Variants in ERC1 observed in about 807,000 individuals in gnomAD.
The protein encoded by ERC1 is RAB6 interacting protein 2.
ERC1 carries 56 observed loss-of-function variants against 132.0 expected under a neutral mutation model. That is an observed-to-expected ratio of 0.42 (90% CI 0.34 to 0.53). The LOEUF is 0.53. ERC1 is among the 20% of genes least tolerant of loss of function. The pLI is 0.03. For missense variants in ERC1, 1,202 were observed against 1,349.9 expected, an observed-to-expected ratio of 0.89 and a Z score of 1.72; for synonymous variants, 478 against 476.1, an observed-to-expected ratio of 1.00 and a Z score of -0.05.
At chr12:1,060,667 A>C (rs189053970) in intron 2 of ERC1, among the ~76,000 whole-genome samples, 6 of 152,232 alleles carry the variant, frequency 3.9e-5, no homozygotes, top group Admixed American at 6.5e-5. Context: ...ATAGCATGGG[A>C]AAGACTGGCC....
At chr12:1,376,886 C>T (rs1349532226) in intron 16 of ERC1, among the ~76,000 whole-genome samples, 1 of 152,220 alleles carries the variant, frequency 6.6e-6, no homozygotes, top group Non-Finnish European at 1.5e-5. Context: ...TTTCCCTTTT[C>T]ACTGTTCCAG....
At position 1,495,224 on chromosome 12, in the gene ERC1, A is replaced by G. The variant is rs893650804; in HGVS notation, c.*4994A>G. The G allele has an allele frequency of 2.6e-4, 60 of 230,452 alleles. No homozygotes were observed. Among genetic ancestry groups the G allele is most frequent in the Non-Finnish European group, 4.6e-4 (54 of 116,350 alleles). 14.3% of individuals were successfully genotyped at this position (230,452 alleles called of 1,614,324 possible). ...CCACTTGGTGCTATCTCTTCCAGTG[A>G]CCACCCAGCACGGGTGAGCACTGGC... is the stretch of plus-strand genomic sequence containing the variant. On this transcript the variant is annotated 3_prime_UTR_variant, in exon 19 of 19. Transcript: ENST00000360905.
At position 1,494,620 on chromosome 12, in the gene ERC1, C is replaced by A. The variant is rs1467946363; in HGVS notation, c.*4390C>A. 1 of 230,766 alleles carries A rather than the reference C, an allele frequency of 4.3e-6. No individual in the cohort carries two copies. Among genetic ancestry groups the A allele is most frequent in the Non-Finnish European group, 8.6e-6 (1 of 116,624 alleles). 14.3% of individuals were successfully genotyped at this position (230,766 alleles called of 1,614,324 possible). A position where few individuals can be genotyped will look rare whatever the true frequency, so the allele number is the denominator to read the frequency against. On this transcript the variant is annotated 3_prime_UTR_variant, in exon 19 of 19. Transcript: ENST00000360905. ...AAGTGCTGTGGCCCTGTTGTAGGTA[C>A]TTCTCCTGACTCTTGGGGGAGAAGT...
intron 16 of ERC1, among the ~76,000 whole-genome samples, chr12:1,400,650 A>G (rs1282522905): frequency 1.3e-5 from 2 of 151,958 alleles, no homozygotes; most frequent in East Asian, 1.9e-4. Flanking sequence ...TTGCATGTCT[A>G]TTTCTATTTG....
chr12:1,017,859 A>T (rs1369022031), intron 1 of ERC1, among the ~76,000 whole-genome samples: 2 of 152,168 alleles, frequency 1.3e-5, no homozygotes, highest in Non-Finnish European at 2.9e-5. Flanking sequence ...AGTGCTTGGT[A>T]CATCTTTAGC....
At position 1,434,723 on chromosome 12, in the gene ERC1, C is replaced by T. The variant is rs551647138; in HGVS notation, c.3025-9839C>T. ...TGGGTGTTACATACACCCAAAGGGT[C>T]GTCTGACTGGAGATCCTTAGGCTAG... On this transcript the variant is annotated intron_variant, in intron 17 of 18. Coordinates refer to ENST00000360905, the MANE Select transcript of ERC1 (RefSeq NM_178040.4). Among the ~76,000 whole-genome samples the T allele has an allele frequency of 4.6e-5, 7 of 152,320 alleles. No homozygotes were observed. In the East Asian group the frequency reaches 5.8e-4, roughly 13 times the overall value.
chr12:1,331,700 A>G (rs1045799941), intron 15 of ERC1, among the ~76,000 whole-genome samples: 2 of 152,286 alleles, frequency 1.3e-5, no homozygotes, highest in East Asian at 1.9e-4. Flanking sequence ...TATCTTCTAT[A>G]AAGTGTTGTT....
chr12:1,027,675 G>A (rs879048812), intron 1 of ERC1, 73 bp from the exon 2 acceptor site: 2 of 526,214 alleles, frequency 3.8e-6, no homozygotes, highest in Non-Finnish European at 6.7e-6. Context: ...TCTTTAAGTG[G>A]GGGTAATGGA....
intron 6 of ERC1, 145 bp from the exon 7 acceptor site, chr12:1,115,721 T>G (rs1682813545): frequency 6.1e-6 from 4 of 653,214 alleles, no homozygotes; most frequent in East Asian, 5.9e-5. Context: ...TCCAAGGTTA[T>G]GTCATGCAAA....
intron 12 of ERC1, among the ~76,000 whole-genome samples, chr12:1,202,613 C>T (rs1453107296): frequency 9.9e-5 from 15 of 152,006 alleles, no homozygotes; most frequent in Middle Eastern, 3.4e-3. Context: ...GCCAAGATTG[C>T]GCCACTGCAC....
chr12:995,289 G>C (rs1960602290), intron 1 of ERC1, among the ~76,000 whole-genome samples: 1 of 152,012 alleles, frequency 6.6e-6, no homozygotes, highest in Non-Finnish European at 1.5e-5. Context: ...AAAAGTACGG[G>C]CAGTAGTCAG....
chr12:1,406,577 T>C (rs2091507438), intron 16 of ERC1, among the ~76,000 whole-genome samples: 1 of 152,198 alleles, frequency 6.6e-6, no homozygotes, highest in Admixed American at 6.5e-5. Context: ...AGAGTGACAA[T>C]CACTGATAGA....
At chr12:1,050,035 G>A (rs990273948) in intron 2 of ERC1, among the ~76,000 whole-genome samples, 3 of 152,114 alleles carry the variant, frequency 2.0e-5, no homozygotes, top group Non-Finnish European at 2.9e-5. Flanking sequence ...GAGCCACTGC[G>A]CCCGGCCAAT....
chr12:1,475,787 A>G (rs2093958065), intron 18 of ERC1, among the ~76,000 whole-genome samples: 1 of 152,208 alleles, frequency 6.6e-6, no homozygotes, highest in South Asian at 2.1e-4. Flanking sequence ...CTATTGCAAG[A>G]TGGTAGAACA....
intron 1 of ERC1, among the ~76,000 whole-genome samples, chr12:1,001,786 G>A (rs1360145632): frequency 6.6e-6 from 1 of 151,500 alleles, no homozygotes; most frequent in Admixed American, 6.6e-5. Context: ...TATTATTGAT[G>A]GATATTTAGG....
chr12:1,025,706 T>G (rs1420000893), intron 1 of ERC1, among the ~76,000 whole-genome samples: 1 of 152,178 alleles, frequency 6.6e-6, no homozygotes, highest in Non-Finnish European at 1.5e-5. Flanking sequence ...CTTCATTTAT[T>G]GAGTGATTTT....
chr12:1,304,853 G>A (rs189051031), intron 15 of ERC1, among the ~76,000 whole-genome samples: 3,956 of 134,888 alleles, frequency 0.029, 63 homozygotes, highest in Middle Eastern at 0.083. Context: ...ACAGTGGCGT[G>A]ATCTCGGCTC....
upstream of ERC1, chr12:991,106 G>A (rs1959185693): frequency 6.6e-6 from 1 of 151,618 alleles, no homozygotes; most frequent in Admixed American, 6.6e-5. Context: ...ACGCTCCCGG[G>A]AGGCTGAGGG....
intron 12 of ERC1, among the ~76,000 whole-genome samples, chr12:1,219,491 G>T (rs189913792): frequency 6.6e-6 from 1 of 152,182 alleles, no homozygotes. Context: ...CCTCAAAAAT[G>T]TATCTTTAAT....
Sources: allele counts gnomAD v4.1 joint callset (sites outside exome capture counted in the v4.1 genomes callset), GRCh38; gene constraint gnomAD v4.1.1; transcripts MANE v1.5; gene names NCBI Gene and HGNC (gene_info 2026-07-23, HGNC 2026-07-21).